RABGAP1L: variants seen among roughly 807,000 people sequenced by gnomAD.
RABGAP1L encodes the protein rab GTPase-activating protein 1-like.
RABGAP1L carries 63 observed loss-of-function variants against 137.7 expected under a neutral mutation model. That is an observed-to-expected ratio of 0.46 (90% CI 0.37 to 0.56). The LOEUF (loss-of-function observed/expected upper bound fraction) is 0.56, where lower values mean the gene tolerates loss of function less well. Ranked by LOEUF, RABGAP1L falls within the 20% of genes least tolerant of loss-of-function variation. The probability of loss-of-function intolerance (pLI) is 0.00; values close to 1 mark genes in which losing one functional copy is unlikely to be tolerated. For missense variants in RABGAP1L, 1,095 were observed against 1,244.0 expected (o/e 0.88, Z 1.80); for synonymous variants, 431 against 433.7 (o/e 0.99, Z 0.08).
At chr1:174,920,887 T>C (rs749273515) in intron 19 of RABGAP1L, among the ~76,000 whole-genome samples, 2 of 152,058 alleles carry the variant, frequency 1.3e-5, no homozygotes, top group African/African-American at 2.4e-5. Context: ...AGGAAAGAAA[T>C]TTCTATTGGT....
chr1:174,195,712 C>CT lies in RABGAP1L; in HGVS notation c.-33-23409dup, dbSNP rs201837498. On this transcript the variant is annotated intron_variant, in intron 1 of 25. Transcript: ENST00000681986. ...TCCTTCTTTCCTTCTTTCCTTCTTT[C>CT]TTTTCTTTCTTTTCTTTCTTTTCTT... Among the ~76,000 whole-genome samples, 747 of 110,624 alleles carry CT rather than the reference C, an allele frequency of 6.8e-3. 23 individuals carry two copies. The highest frequency in any genetic ancestry group is 0.028 in the African/African-American group (718 of 25,600). The allele number at this position is 110,624 out of a possible 152,430, so 72.6% of individuals were successfully genotyped here. A position where few individuals can be genotyped will look rare whatever the true frequency, so the allele number is the denominator to read the frequency against.
At chr1:174,258,534 ACTTGGCTTCCTAAAGTG>A (rs1051965445) in intron 7 of RABGAP1L, among the ~76,000 whole-genome samples, 5 of 152,210 alleles carry the variant, frequency 3.3e-5, no homozygotes, top group South Asian at 4.2e-4. Flanking sequence ...AGTGATCTTG[ACTTGGCTTCCTAAAGTG>A]CTTGGCTTCC....
chr1:174,553,021 T>G (rs1456884821), intron 13 of RABGAP1L, among the ~76,000 whole-genome samples: 1 of 152,214 alleles, frequency 6.6e-6, no homozygotes, highest in African/African-American at 2.4e-5. Context: ...TGGCCACATA[T>G]ATGTCTTCTT....
Position 174,616,455 on chromosome 1 carries a change from A to G in RABGAP1L, c.1711-20920A>G, listed in dbSNP as rs532949408. Among the ~76,000 whole-genome samples the G allele has an allele frequency of 8.5e-5, 13 of 152,340 alleles. No homozygotes were observed. The South Asian group carries it at 2.5e-3, about 29-fold the overall frequency. On this transcript the variant is annotated intron_variant, in intron 13 of 25. Transcript: ENST00000681986. ...TCTAATTCTGATTTATTCAGTACTC[A>G]TTTACCTAGTGCCTACTAAAGTCTC...
At chr1:174,683,057 G>GT (rs1557981500) in intron 14 of RABGAP1L, among the ~76,000 whole-genome samples, 147 of 137,334 alleles carry the variant, frequency 1.1e-3, no homozygotes, top group African/African-American at 4.1e-3. Context: ...GTTCTAAAGG[G>GT]GTTTTTTTTT....
At chr1:174,891,730 C>A (rs575674996) in intron 19 of RABGAP1L, among the ~76,000 whole-genome samples, 1 of 152,204 alleles carries the variant, frequency 6.6e-6, no homozygotes, top group Non-Finnish European at 1.5e-5. Flanking sequence ...GTCTTGAACG[C>A]CTGGCTTCAA....
chr1:174,267,023 T>C (rs769724472), intron 7 of RABGAP1L, among the ~76,000 whole-genome samples: 1 of 152,184 alleles, frequency 6.6e-6, no homozygotes, highest in Admixed American at 6.6e-5. Context: ...CATCCTTTAG[T>C]TTAAGTTTCA....
chr1:174,438,746 A>ATATATG lies in RABGAP1L; in HGVS notation c.1710+44606_1710+44607insGTATAT, dbSNP rs1553302960. Among the ~76,000 whole-genome samples the ATATATG allele has an allele frequency of 3.1e-5, 3 of 97,968 alleles. No individual in the cohort carries two copies. In the East Asian group the frequency reaches 6.9e-4, roughly 23 times the overall value. The allele number at this position is 97,968 out of a possible 152,430, so 64.3% of individuals were successfully genotyped here. A position where few individuals can be genotyped will look rare whatever the true frequency, so the allele number is the denominator to read the frequency against. On this transcript the variant is annotated intron_variant, in intron 13 of 25. Transcript: ENST00000681986. ...AAACCCAAAAAAAGTGTGTGTGTGT[A>ATATATG]TATATATATATATATATATATATAT... is the stretch of plus-strand genomic sequence containing the variant.
intron 13 of RABGAP1L, among the ~76,000 whole-genome samples, chr1:174,474,892 C>T (rs1018657989): frequency 1.3e-5 from 2 of 151,912 alleles, no homozygotes; most frequent in South Asian, 2.1e-4. Flanking sequence ...TGAGCCACTG[C>T]GCCTGGCCTT....
At chr1:174,730,089 T>C (rs1162256203) in intron 17 of RABGAP1L, among the ~76,000 whole-genome samples, 1 of 151,796 alleles carries the variant, frequency 6.6e-6, no homozygotes, top group Non-Finnish European at 1.5e-5. Flanking sequence ...AAAGAAAATA[T>C]GGTACACATA....
chr1:174,226,049 C>T (rs1670153090), intron 3 of RABGAP1L, among the ~76,000 whole-genome samples: 1 of 152,030 alleles, frequency 6.6e-6, no homozygotes, highest in Non-Finnish European at 1.5e-5. Context: ...AGAAACAAGT[C>T]ATGATTTCTC....
intron 5 of RABGAP1L, among the ~76,000 whole-genome samples, chr1:174,247,124 A>T (rs1460829252): frequency 6.6e-6 from 1 of 152,142 alleles, no homozygotes; most frequent in African/African-American, 2.4e-5. Flanking sequence ...ATGCTTTAGA[A>T]TTTGCCAAGT....
intron 4 of RABGAP1L, among the ~76,000 whole-genome samples, chr1:174,237,794 T>G (rs1671345615): frequency 6.8e-6 from 1 of 147,228 alleles, no homozygotes; most frequent in Admixed American, 6.8e-5. Flanking sequence ...GTTCTCTGTA[T>G]TTCCTGAATC....
chr1:174,892,671 C>T (rs1656379486), intron 19 of RABGAP1L: 6 of 532,736 alleles, frequency 1.1e-5, no homozygotes, highest in Admixed American at 9.8e-5. Context: ...TGGGATGGTC[C>T]ATCACTTGCA....
At chr1:174,536,383 G>A (rs946309202) in intron 13 of RABGAP1L, among the ~76,000 whole-genome samples, 3 of 151,982 alleles carry the variant, frequency 2.0e-5, no homozygotes, top group Admixed American at 2.0e-4. Context: ...GATAGAAGAA[G>A]GGAGGGTTGG....
At chr1:174,851,515 A>C (rs1170048983) in intron 19 of RABGAP1L, among the ~76,000 whole-genome samples, 2 of 152,008 alleles carry the variant, frequency 1.3e-5, no homozygotes, top group African/African-American at 4.8e-5. Context: ...TCAATGAAGA[A>C]GTTGCCATTT....
At chr1:174,524,258 T>G (rs534159440) in intron 13 of RABGAP1L, among the ~76,000 whole-genome samples, 7 of 152,168 alleles carry the variant, frequency 4.6e-5, no homozygotes, top group African/African-American at 1.7e-4. Flanking sequence ...TACTGATTTA[T>G]ATTCCTACCA....
intron 14 of RABGAP1L, among the ~76,000 whole-genome samples, chr1:174,679,747 C>T (rs458242): frequency 0.37 from 56,112 of 152,052 alleles, 13,573 homozygotes; most frequent in African/African-American, 0.69. Flanking sequence ...TGTGAAGATA[C>T]CATTCTCCAA....
At chr1:174,674,549 C>T (rs1019181659) in intron 14 of RABGAP1L, among the ~76,000 whole-genome samples, 8 of 151,420 alleles carry the variant, frequency 5.3e-5, no homozygotes, top group African/African-American at 1.5e-4. Context: ...AATAAACATA[C>T]GTGTGCACGT....
Sources: allele counts gnomAD v4.1 joint callset (sites outside exome capture counted in the v4.1 genomes callset), GRCh38; gene constraint gnomAD v4.1.1; transcripts MANE v1.5; gene names NCBI Gene and HGNC (gene_info 2026-07-23, HGNC 2026-07-21).